Variants in ARFGEF1 observed in about 807,000 individuals in gnomAD.
ARFGEF1 encodes brefeldin A-inhibited guanine nucleotide-exchange protein 1.
A neutral mutation model predicts 231.0 loss-of-function variants in ARFGEF1; 42 were observed. That is an observed-to-expected ratio of 0.18 (90% confidence interval 0.14 to 0.24). The LOEUF is 0.24. ARFGEF1 is among the 10% of genes least tolerant of loss of function. The pLI is 1.00. For synonymous variants in ARFGEF1, 710 were observed against 732.3 expected (o/e 0.97, Z 0.49); for missense variants, 1,345 against 2,192.0 (o/e 0.61, Z 7.72).
At chr8:67,292,427 G>A (rs542410887) in intron 5 of ARFGEF1, among the ~76,000 whole-genome samples, 1 of 152,042 alleles carries the variant, frequency 6.6e-6, no homozygotes, top group Non-Finnish European at 1.5e-5. Flanking sequence ...TATACATACA[G>A]AAAGTCTATA....
At chr8:67,317,568 T>C (rs987255933) in intron 1 of ARFGEF1, among the ~76,000 whole-genome samples, 5 of 145,740 alleles carry the variant, frequency 3.4e-5, no homozygotes, top group Non-Finnish European at 6.0e-5. Flanking sequence ...TTAAATACCA[T>C]GACCCACTGG....
intron 5 of ARFGEF1, chr8:67,179,949 G>A: frequency 7.5e-7 from 1 of 1,336,356 alleles, no homozygotes; most frequent in African/African-American, 1.4e-5. Flanking sequence ...ATTTTATTAA[G>A]GCTATATTGT....
At chr8:67,272,458 G>A (rs1805135906) in intron 9 of ARFGEF1, among the ~76,000 whole-genome samples, 1 of 151,744 alleles carries the variant, frequency 6.6e-6, no homozygotes, top group South Asian at 2.1e-4. Context: ...GAGCCACCGC[G>A]CCTGGCCCAC....
intron 5 of ARFGEF1, among the ~76,000 whole-genome samples, chr8:67,177,384 T>C (rs1459926154): frequency 1.3e-5 from 2 of 152,220 alleles, no homozygotes; most frequent in Non-Finnish European, 2.9e-5. Context: ...TGTAGAAATC[T>C]GACAAGATGG....
rs1808316095 is a variant in ARFGEF1 at position 67,335,749 on chromosome 8, TTC to T, written c.124+7413_124+7414del. ...GGTAATATGAAATATTTTAAAGATT[TTC>T]TTTTTTTTTTTTTGAGACGGACTCT... On this transcript the variant is annotated intron_variant, in intron 1 of 38. Coordinates refer to ENST00000262215, the MANE Select transcript of ARFGEF1 (RefSeq NM_006421.5). 3.3e-5 allele frequency among the ~76,000 whole-genome samples: 5 copies of T among 152,274 alleles called. 1 individual carries two copies. The South Asian group carries it at 8.3e-4, about 25-fold the overall frequency.
intron 1 of ARFGEF1, among the ~76,000 whole-genome samples, chr8:67,328,535 T>C (rs964786717): frequency 1.3e-5 from 2 of 152,230 alleles, no homozygotes; most frequent in Non-Finnish European, 1.5e-5. Flanking sequence ...GTTATCCATA[T>C]GTTACACAGC....
At position 67,341,145 on chromosome 8, in the gene ARFGEF1, C is replaced by T. The variant is rs1219506203; in HGVS notation, c.124+2019G>A. 3.9e-5 allele frequency among the ~76,000 whole-genome samples: 6 copies of T among 152,140 alleles called. No homozygotes were observed. In the East Asian group the frequency reaches 1.2e-3, roughly 29 times the overall value. ...AAACCTAGGATCTCAGACTCTCATTCCAGTAGGCTCTCCATTAAAATATGC... is the reference window on the plus strand; with the variant it reads ...AAACCTAGGATCTCAGACTCTCATTTCAGTAGGCTCTCCATTAAAATATGC... On this transcript the variant is annotated intron_variant, in intron 1 of 38. Transcript: ENST00000262215.
intron 32 of ARFGEF1, among the ~76,000 whole-genome samples, chr8:67,217,043 G>A (rs1373125663): frequency 6.6e-6 from 1 of 151,186 alleles, no homozygotes; most frequent in Admixed American, 6.6e-5. Flanking sequence ...GGTGGCTCAC[G>A]CCTGTAATCC....
At chr8:67,183,240 C>T (rs1013674938) in intron 5 of ARFGEF1, among the ~76,000 whole-genome samples, 1 of 152,170 alleles carries the variant, frequency 6.6e-6, no homozygotes, top group African/African-American at 2.4e-5. Flanking sequence ...CAGAAATGGA[C>T]AGAGACAGAA....
chr8:67,232,078 C>T (rs1839572338), intron 23 of ARFGEF1, among the ~76,000 whole-genome samples: 1 of 151,896 alleles, frequency 6.6e-6, no homozygotes, highest in South Asian at 2.1e-4. Flanking sequence ...TCTACCTGTA[C>T]TTAGAGCAAA....
At chr8:67,324,678 A>G (rs1807748322) in intron 1 of ARFGEF1, among the ~76,000 whole-genome samples, 1 of 152,218 alleles carries the variant, frequency 6.6e-6, no homozygotes, top group Non-Finnish European at 1.5e-5. Flanking sequence ...CCTTCCCCCA[A>G]GAGATTACAA....
chr8:67,180,045 CT>C (rs1304409222), intron 5 of ARFGEF1: 2 of 546,132 alleles, frequency 3.7e-6, no homozygotes, highest in Non-Finnish European at 6.3e-6. Flanking sequence ...AAGGAATATT[CT>C]TTTTTCTGTT....
At chr8:67,339,869 C>T (rs1473479944) in intron 1 of ARFGEF1, among the ~76,000 whole-genome samples, 1 of 133,866 alleles carries the variant, frequency 7.5e-6, no homozygotes, top group African/African-American at 2.8e-5. Context: ...ATTTGAAAAA[C>T]GTTTTACATT....
Position 67,277,367 on chromosome 8 carries a change from T to A in ARFGEF1, c.1118A>T (p.Asn373Ile). The change falls in exon 8 of 39, where the codon AAT (asparagine) becomes ATT (isoleucine). Residue 373 changes from asparagine (N) to isoleucine (I), a missense_variant. By Grantham distance (149) the Asn-to-Ile change is moderately radical. Around this residue, in one of 14 missense-constraint regions of ARFGEF1, gnomAD observed 398 missense variants for 463.2 expected, o/e 0.86. Transcript: ENST00000262215. Reference protein sequence around the residue: ...DGSDSENIQANGIPGTPISVA... With the variant: ...DGSDSENIQAIGIPGTPISVA... ...AGAAATTGGTGTTCCTGGAATTCCA[T>A]TTGCTTGAATATTTTCACTGTCACT... is the stretch of plus-strand genomic sequence containing the variant. 6.2e-7 allele frequency: 1 copy of A among 1,613,792 alleles called. No individual in the cohort carries two copies. Among genetic ancestry groups the A allele is most frequent in the Non-Finnish European group, 8.5e-7 (1 of 1,179,818 alleles).
chr8:67,341,023 T>C (rs1027267786), intron 1 of ARFGEF1, among the ~76,000 whole-genome samples: 3 of 152,164 alleles, frequency 2.0e-5, no homozygotes, highest in Non-Finnish European at 2.9e-5. Flanking sequence ...TTAGAGGAGA[T>C]GTGACCATAC....
Position 67,343,618 on chromosome 8 carries a change from C to T in ARFGEF1, c.-331G>A. 1 of 1,048,250 alleles carries T rather than the reference C, an allele frequency of 9.5e-7. No homozygotes were observed. The highest frequency in any genetic ancestry group is 1.1e-6 in the Non-Finnish European group (1 of 871,132). 64.9% of individuals were successfully genotyped at this position (1,048,250 alleles called of 1,614,324 possible). A position where few individuals can be genotyped will look rare whatever the true frequency, so the allele number is the denominator to read the frequency against. ...CCTGGTGGCGGTGAGGGAGCCCGGC[C>T]CGGGCGGCTGTCTGCCGGGAACTGA... On this transcript the variant is annotated 5_prime_UTR_variant, in exon 1 of 39. Coordinates refer to ENST00000262215, the MANE Select transcript of ARFGEF1 (RefSeq NM_006421.5).
intron 34 of ARFGEF1, among the ~76,000 whole-genome samples, chr8:67,209,968 T>C (rs1208169269): frequency 6.6e-6 from 1 of 151,662 alleles, no homozygotes; most frequent in African/African-American, 2.4e-5. Context: ...CTGACTACCG[T>C]GGTGAAACCC....
At chr8:67,332,049 C>A (rs1808123486) in intron 1 of ARFGEF1, among the ~76,000 whole-genome samples, 1 of 151,696 alleles carries the variant, frequency 6.6e-6, no homozygotes, top group Non-Finnish European at 1.5e-5. Context: ...TCCCCAAACT[C>A]AAAAATATTT....
chr8:67,257,228 A>C (rs548099689), intron 17 of ARFGEF1, among the ~76,000 whole-genome samples: 2 of 152,078 alleles, frequency 1.3e-5, no homozygotes, highest in South Asian at 4.1e-4. Flanking sequence ...CCACAGGCAC[A>C]TGCCACCATG....
Sources: allele counts gnomAD v4.1 joint callset (sites outside exome capture counted in the v4.1 genomes callset), GRCh38; gene constraint gnomAD v4.1.1; regional missense constraint gnomAD v4.1.1; transcripts MANE v1.5; gene names NCBI Gene and HGNC (gene_info 2026-07-23, HGNC 2026-07-21).